The following CYBC1 variants were observed in gnomAD, a reference collection of about 807,000 sequenced individuals.
CYBC1 encodes the protein cytochrome b-245 chaperone 1.
CYBC1 carries 22 observed loss-of-function variants against 21.7 expected under a neutral mutation model. The ratio of observed to expected loss-of-function variants is 1.02; its 90% CI spans 0.73 to 1.45. CYBC1 has a LOEUF of 1.45. CYBC1 is among the 40% of genes most tolerant of loss of function. CYBC1 has a pLI of 0.00. For synonymous variants in CYBC1, 112 were observed against 98.7 expected, an observed-to-expected ratio of 1.13 and a Z score of -0.80; for missense variants, 237 against 242.1, an observed-to-expected ratio of 0.98 and a Z score of 0.14.
chr17:82,449,543 T>G, intron 1 of CYBC1: 1 of 373,452 alleles, frequency 2.7e-6, no homozygotes, highest in Non-Finnish European at 4.8e-6. Context: ...TGTTTCCCGC[T>G]CAGACTCACG....
intron 2 of CYBC1, chr17:82,447,857 G>A: frequency 1.7e-6 from 1 of 594,922 alleles, no homozygotes; most frequent in Non-Finnish European, 3.0e-6. Context: ...CTACCTGGGA[G>A]GCCGAGGAAG....
chr17:82,449,306 G>A lies in CYBC1; in HGVS notation c.-38-14C>T. ...AGGAGGAGGGGTCTGGGAACAGACAGAGGCAGCTGAGCCCTTGGGCCTGCA... is the reference window on the plus strand; with the variant it reads ...AGGAGGAGGGGTCTGGGAACAGACAAAGGCAGCTGAGCCCTTGGGCCTGCA... On this transcript the variant is annotated splice_polypyrimidine_tract_variant and intron_variant, in intron 1 of 6. Transcript: ENST00000306645. 2.1e-6 allele frequency: 3 copies of A among 1,426,156 alleles called. No individual in the cohort carries two copies. The highest frequency in any genetic ancestry group is 2.8e-6 in the Non-Finnish European group (3 of 1,066,538). 88.3% of individuals were successfully genotyped at this position (1,426,156 alleles called of 1,614,324 possible).
At chr17:82,447,716 G>A (rs2054393757) in intron 2 of CYBC1, 95 bp from the exon 3 acceptor site, 1 of 1,116,228 alleles carries the variant, frequency 9.0e-7, no homozygotes, top group African/African-American at 1.5e-5. Flanking sequence ...TGATGAGCAG[G>A]CCCTTCCCAC....
intron 3 of CYBC1, chr17:82,446,913 G>A (rs1483141430): frequency 3.4e-6 from 2 of 590,282 alleles, no homozygotes; most frequent in African/African-American, 3.7e-5. Context: ...GAGAGAGGCA[G>A]GTGGGGCGCA....
chr17:82,449,631 T>C (rs1275521218), intron 1 of CYBC1: 4 of 218,820 alleles, frequency 1.8e-5, no homozygotes, highest in African/African-American at 9.1e-5. Context: ...CAGCAGCCTT[T>C]AAGCTTCTAG....
chr17:82,443,157 C>T lies in CYBC1; in HGVS notation c.*847G>A. ...AACTCCTGGCCTCAAGCAATCCTCC[C>T]ACCTCGGCCTCCGAAAGTGCTGGGA... On this transcript the variant is annotated 3_prime_UTR_variant, in exon 7 of 7. Coordinates refer to ENST00000306645, the MANE Select transcript of CYBC1 (RefSeq NM_001033046.4). This position sits in a 1 kb window ranked among gnomAD's most constrained non-coding sequence, Gnocchi z 6.7. 1 of 253,328 alleles carries T rather than the reference C, an allele frequency of 3.9e-6. No individual in the cohort carries two copies. Among genetic ancestry groups the T allele is most frequent in the Non-Finnish European group, 7.9e-6 (1 of 126,760 alleles). The allele number at this position is 253,328 out of a possible 1,614,324, so 15.7% of individuals were successfully genotyped here. A position where few individuals can be genotyped will look rare whatever the true frequency, so the allele number is the denominator to read the frequency against.
In CYBC1 at chr17:82,449,312, G is replaced by T. The variant is rs2054463873; in HGVS notation, c.-38-20C>A. The T allele has an allele frequency of 7.1e-7, 1 of 1,411,338 alleles. No individual in the cohort carries two copies. The highest frequency in any genetic ancestry group is 9.5e-7 in the Non-Finnish European group (1 of 1,056,022). The allele number at this position is 1,411,338 out of a possible 1,614,324, so 87.4% of individuals were successfully genotyped here. ...AGGGGTCTGGGAACAGACAGAGGCA[G>T]CTGAGCCCTTGGGCCTGCACACAGG... On this transcript the variant is annotated intron_variant, in intron 1 of 6. Coordinates refer to ENST00000306645, the MANE Select transcript of CYBC1 (RefSeq NM_001033046.4).
At position 82,443,830 on chromosome 17, in the gene CYBC1, C is replaced by T. The variant is rs532702431; in HGVS notation, c.*174G>A. The stretch of plus-strand genomic sequence containing the variant: ...GGGAATGTGCCACGGGTCCTGTGGG[C>T]GGTGCACGGGCTCAGGCACACCGGG... On this transcript the variant is annotated 3_prime_UTR_variant, in exon 7 of 7. Coordinates refer to ENST00000306645, the MANE Select transcript of CYBC1 (RefSeq NM_001033046.4). This position sits in a 1 kb window ranked among gnomAD's most constrained non-coding sequence, Gnocchi z 6.7. 6.9e-3 allele frequency: 4,280 copies of T among 619,096 alleles called. 21 individuals carry two copies. Among genetic ancestry groups the T allele is most frequent in the Middle Eastern group, 9.6e-3 (22 of 2,302 alleles). The allele number at this position is 619,096 out of a possible 1,614,324, so 38.4% of individuals were successfully genotyped here.
intron 3 of CYBC1, chr17:82,447,352 CAAAAAAA>C (rs59578640): frequency 0.14 from 65,871 of 470,388 alleles, 5,300 homozygotes; most frequent in Admixed American, 0.29. Flanking sequence ...GACTCCGTCT[CAAAAAAA>C]AAAAAAAAAG....
Position 82,444,525 on chromosome 17 carries a change from T to C in CYBC1, c.365A>G (p.Lys122Arg). ...VEEEKVRYFG[K>R]GYMVVLRLAT... is the part of the protein sequence containing the mutation. The stretch of plus-strand genomic sequence containing the variant: ...AAGCCGGAGCACCACCATGTAGCCT[T>C]TCCCGAAGTACCGGACCTTCTCCTC... Residue 122 changes from lysine to arginine, a missense_variant, in exon 6 of 7, where the codon AAA becomes AGA. Coordinates refer to ENST00000306645, the MANE Select transcript of CYBC1 (RefSeq NM_001033046.4). The C allele has an allele frequency of 6.2e-7, 1 of 1,614,044 alleles. No individual in the cohort carries two copies. The highest frequency in any genetic ancestry group is 1.1e-5 in the South Asian group (1 of 91,078).
At chr17:82,444,628 CCA>C in intron 5 of CYBC1, 37 bp from the exon 6 acceptor site, 1 of 1,565,328 alleles carries the variant, frequency 6.4e-7, no homozygotes, top group Non-Finnish European at 8.7e-7. Context: ...CCATCCCCGC[CCA>C]CACATGCTGC....
chr17:82,443,368 A>AGGGAGGCGGGTCC lies in CYBC1; in HGVS notation c.*623_*635dup. 1 of 473,878 alleles carries AGGGAGGCGGGTCC rather than the reference A, an allele frequency of 2.1e-6. No individual in the cohort carries two copies. The highest frequency in any genetic ancestry group is 2.0e-5 in the South Asian group (1 of 50,960). The allele number at this position is 473,878 out of a possible 1,614,324, so 29.4% of individuals were successfully genotyped here. On this transcript the variant is annotated 3_prime_UTR_variant, in exon 7 of 7. Coordinates refer to ENST00000306645, the MANE Select transcript of CYBC1 (RefSeq NM_001033046.4). This position sits in a 1 kb window ranked among gnomAD's most constrained non-coding sequence, Gnocchi z 6.7. ...ATGCGCCGAGATCCTGGCATCAGCAAGGGAGGCGGGTCCTCGGGGAGGGGC... is the reference window on the plus strand; with the variant it reads ...ATGCGCCGAGATCCTGGCATCAGCAAGGGAGGCGGGTCCGGGAGGCGGGTCCTCGGGGAGGGGC...
At position 82,449,509 on chromosome 17, in the gene CYBC1, C is replaced by T. The variant is rs2054472632; in HGVS notation, c.-38-217G>A. 7.5e-6 allele frequency: 3 copies of T among 402,274 alleles called. No homozygotes were observed. The East Asian group carries it at 1.1e-4, about 15-fold the overall frequency. 24.9% of individuals were successfully genotyped at this position (402,274 alleles called of 1,614,324 possible). A position where few individuals can be genotyped will look rare whatever the true frequency, so the allele number is the denominator to read the frequency against. On this transcript the variant is annotated intron_variant, in intron 1 of 6. Coordinates refer to ENST00000306645, the MANE Select transcript of CYBC1 (RefSeq NM_001033046.4). ...TGTAAGGAAGGCCCTTTTCCGTTCA[C>T]AGCGACACCGACTGCGCGGGGGCTG...
At chr17:82,447,390 G>A (rs1009332883) in intron 3 of CYBC1, 190 bp downstream of exon 3, 18 of 624,544 alleles carry the variant, frequency 2.9e-5, no homozygotes, top group South Asian at 1.3e-4. Flanking sequence ...TGGGCTGAGC[G>A]CTGGGCAGGA....
At chr17:82,449,342 C>CTG in intron 1 of CYBC1, 50 bp from the exon 2 acceptor site, 1 of 1,052,864 alleles carries the variant, frequency 9.5e-7, no homozygotes, top group Non-Finnish European at 1.3e-6. Context: ...CACAGGCAGG[C>CTG]GCCCACGCCA....
intron 3 of CYBC1, 174 bp downstream of exon 3, chr17:82,447,406 G>A (rs1020682754): frequency 1.2e-4 from 79 of 652,188 alleles, no homozygotes; most frequent in African/African-American, 8.5e-4. Context: ...CAGGATGGGC[G>A]TGCGGAAGAA....
In CYBC1 at chr17:82,447,565, CG is replaced by C. The variant is rs755027314; in HGVS notation, c.127+14del. ...CTGAGACAGTCATGGGGGGGTGGGG[CG>C]GGGGGTGCTTTACCTCCGCTGTAGT... is the stretch of plus-strand genomic sequence containing the variant. On this transcript the variant is annotated intron_variant, in intron 3 of 6. Coordinates refer to ENST00000306645, the MANE Select transcript of CYBC1 (RefSeq NM_001033046.4). The C allele has an allele frequency of 8.2e-5, 60 of 728,320 alleles. No individual in the cohort carries two copies. The highest frequency in any genetic ancestry group is 1.1e-4 in the Non-Finnish European group (58 of 535,398). The allele number at this position is 728,320 out of a possible 1,614,324, so 45.1% of individuals were successfully genotyped here. A position where few individuals can be genotyped will look rare whatever the true frequency, so the allele number is the denominator to read the frequency against.
rs1250016468 is a variant in CYBC1 at position 82,449,281 on chromosome 17, A to G, written c.-27T>C. The G allele has an allele frequency of 6.6e-7, 1 of 1,513,988 alleles. No individual in the cohort carries two copies. The allele number at this position is 1,513,988 out of a possible 1,614,324, so 93.8% of individuals were successfully genotyped here. A position where few individuals can be genotyped will look rare whatever the true frequency, so the allele number is the denominator to read the frequency against. ...CCGAGAGGGCAGCACCACTCTCTAC[A>G]GGAGGAGGGGTCTGGGAACAGACAG... On this transcript the variant is annotated 5_prime_UTR_variant, in exon 2 of 7. Coordinates refer to ENST00000306645, the MANE Select transcript of CYBC1 (RefSeq NM_001033046.4).
chr17:82,447,161 G>A (rs1417331527), intron 3 of CYBC1: 5 of 306,052 alleles, frequency 1.6e-5, no homozygotes, highest in African/African-American at 4.5e-5. Flanking sequence ...AGACCATCCC[G>A]GCTAAAACGG....
Sources: gnomAD v4.1 joint callset for allele counts on GRCh38, gnomAD v4.1.1 for gene constraint, Gnocchi (gnomAD v3.1) non-coding constraint, MANE v1.5 for transcripts, NCBI Gene and HGNC (gene_info 2026-07-23, HGNC 2026-07-21) for gene names.